The following APBB2 variants were observed in gnomAD, a reference collection of about 807,000 sequenced individuals.
The protein encoded by APBB2 is Fe65-like 1.
A neutral mutation model predicts 82.5 loss-of-function variants in APBB2; 38 were observed. That is an observed-to-expected ratio of 0.46 (90% confidence interval 0.36 to 0.60). The LOEUF is 0.60. APBB2 is among the 20% of genes least tolerant of loss of function. The pLI, the probability that APBB2 is intolerant of heterozygous loss-of-function variation, is 0.00. For missense variants in APBB2, 772 were observed against 972.3 expected (o/e 0.79, Z 2.74); for synonymous variants, 341 against 368.2 (o/e 0.93, Z 0.85).
intron 5 of APBB2, among the ~76,000 whole-genome samples, chr4:41,016,025 A>G (rs553708234): frequency 9.2e-5 from 14 of 152,308 alleles, no homozygotes; most frequent in African/African-American, 3.4e-4. Flanking sequence ...CAAGAGTGGC[A>G]TTTCATATGA....
chr4:41,068,623 A>T (rs1398688092), intron 3 of APBB2, among the ~76,000 whole-genome samples: 2 of 152,152 alleles, frequency 1.3e-5, no homozygotes, highest in African/African-American at 4.8e-5. Flanking sequence ...AGAAAAGAGC[A>T]TTTATAAGTT....
At chr4:40,887,077 G>C (rs1315233245) in intron 12 of APBB2, among the ~76,000 whole-genome samples, 1 of 152,156 alleles carries the variant, frequency 6.6e-6, no homozygotes, top group Non-Finnish European at 1.5e-5. Flanking sequence ...ACAGAAGACT[G>C]GTATCAGATG....
chr4:40,977,432 C>T (rs956504271), intron 6 of APBB2, among the ~76,000 whole-genome samples: 1 of 151,950 alleles, frequency 6.6e-6, no homozygotes, highest in African/African-American at 2.4e-5. Flanking sequence ...CATGCTACAG[C>T]CTCCCAAGTA....
chr4:41,037,173 A>C (rs1342653320), intron 4 of APBB2, among the ~76,000 whole-genome samples: 1 of 152,220 alleles, frequency 6.6e-6, no homozygotes, highest in Middle Eastern at 3.2e-3. Flanking sequence ...AGGTGAGTCT[A>C]CTTCCTCAAC....
chr4:40,944,540 C>T (rs1787857346), intron 7 of APBB2, among the ~76,000 whole-genome samples: 1 of 152,124 alleles, frequency 6.6e-6, no homozygotes, highest in Non-Finnish European at 1.5e-5. Flanking sequence ...GGAGCCAGCA[C>T]CATGCAATGG....
chr4:41,185,528 A>C (rs11931380), intron 1 of APBB2, among the ~76,000 whole-genome samples: 7,900 of 152,140 alleles, frequency 0.052, 459 homozygotes, highest in African/African-American at 0.14. Flanking sequence ...TTCAAAGAAA[A>C]CTCTGCTCTG....
At chr4:40,947,013 C>T (rs193222547) in intron 6 of APBB2, among the ~76,000 whole-genome samples, 34 of 152,314 alleles carry the variant, frequency 2.2e-4, no homozygotes, top group African/African-American at 7.7e-4. Flanking sequence ...GGGAATTTCC[C>T]CCTGTCCCCA....
At chr4:40,828,767 G>A (rs1326596274) in intron 13 of APBB2, among the ~76,000 whole-genome samples, 1 of 152,226 alleles carries the variant, frequency 6.6e-6, no homozygotes, top group Non-Finnish European at 1.5e-5. Flanking sequence ...ACATGGGCGG[G>A]AATAAACGTG....
chr4:40,819,041 G>C (rs116597817), intron 17 of APBB2, among the ~76,000 whole-genome samples: 1 of 151,876 alleles, frequency 6.6e-6, no homozygotes, highest in East Asian at 1.9e-4. Flanking sequence ...TGTATGGGGT[G>C]GGGGGGCGGC....
At chr4:40,926,195 C>A (rs1464069211) in intron 10 of APBB2, among the ~76,000 whole-genome samples, 2 of 152,338 alleles carry the variant, frequency 1.3e-5, no homozygotes, top group East Asian at 3.9e-4. Flanking sequence ...TGTTATTACT[C>A]TGTGTTGTTT....
At position 40,981,276 on chromosome 4, in the gene APBB2, G is replaced by A. The variant is rs559720495; in HGVS notation, c.835+32307C>T. Among the ~76,000 whole-genome samples the A allele has an allele frequency of 3.2e-4, 49 of 152,058 alleles. 2 individuals carry two copies. The South Asian group carries it at 9.6e-3, about 30-fold the overall frequency. ...AAATTAGCTGGGTGTGGTAGCACAC[G>A]ACTGTAGTTCCAGCTACTTGGGAGG... On this transcript the variant is annotated intron_variant, in intron 6 of 17. Transcript: ENST00000508593.
At chr4:41,148,702 G>A (rs1414248369) in intron 1 of APBB2, among the ~76,000 whole-genome samples, 2 of 152,162 alleles carry the variant, frequency 1.3e-5, no homozygotes, top group Non-Finnish European at 2.9e-5. Context: ...AATACTTCTG[G>A]AAGGAAGTTT....
chr4:40,852,637 T>G lies in APBB2; in HGVS notation c.1530-22060A>C, dbSNP rs1401786552. ...CACTGGAGAACCAAAGAAAAGAAAG[T>G]CAAAGTCTTTTTTTTTTTTCTGAGA... On this transcript the variant is annotated intron_variant, in intron 12 of 17. Coordinates refer to ENST00000508593, the MANE Select transcript of APBB2 (RefSeq NM_004307.2). Among the ~76,000 whole-genome samples, 4 of 150,660 alleles carry G rather than the reference T, an allele frequency of 2.7e-5. No homozygotes were observed. In the South Asian group the frequency reaches 8.5e-4, roughly 32 times the overall value.
At chr4:41,057,990 C>T (rs1728435046) in intron 4 of APBB2, among the ~76,000 whole-genome samples, 2 of 152,178 alleles carry the variant, frequency 1.3e-5, no homozygotes, top group African/African-American at 4.8e-5. Flanking sequence ...CCCCCAGCAT[C>T]CTAATCCTCT....
At chr4:40,870,980 G>C (rs11933181) in intron 12 of APBB2, among the ~76,000 whole-genome samples, 23,261 of 145,136 alleles carry the variant, frequency 0.16, 1,963 homozygotes, top group East Asian at 0.26. Context: ...GGATTACAGG[G>C]GTGAGCCACC....
chr4:41,120,015 G>T (rs1215881029), intron 2 of APBB2, among the ~76,000 whole-genome samples: 1 of 152,126 alleles, frequency 6.6e-6, no homozygotes. Context: ...CGTGATATGG[G>T]TGGTAAAGAT....
At chr4:40,905,583 A>G (rs892100142) in intron 10 of APBB2, among the ~76,000 whole-genome samples, 2 of 151,978 alleles carry the variant, frequency 1.3e-5, no homozygotes, top group Non-Finnish European at 2.9e-5. Flanking sequence ...TCTATTCCTA[A>G]CCTCCTCCCT....
chr4:41,033,714 G>T (rs565758016), intron 4 of APBB2, among the ~76,000 whole-genome samples: 1 of 150,506 alleles, frequency 6.6e-6, no homozygotes, highest in Non-Finnish European at 1.5e-5. Flanking sequence ...CTATAAACAC[G>T]ATAAAAGCAA....
At chr4:40,911,342 G>T (rs770964492) in intron 10 of APBB2, among the ~76,000 whole-genome samples, 1 of 152,084 alleles carries the variant, frequency 6.6e-6, no homozygotes, top group Non-Finnish European at 1.5e-5. Context: ...TATGTTCTAA[G>T]GAATGTTGGG....
Sources: allele counts gnomAD v4.1 joint callset (sites outside exome capture counted in the v4.1 genomes callset), GRCh38; gene constraint gnomAD v4.1.1; transcripts MANE v1.5; gene names NCBI Gene and HGNC (gene_info 2026-07-23, HGNC 2026-07-21).